IPO7: variants seen among roughly 807,000 people sequenced by gnomAD.
IPO7 encodes the protein importin 7.
Under a neutral mutation model 136.4 loss-of-function variants are expected in IPO7, and 13 were observed. That is an observed-to-expected ratio of 0.10 (90% CI 0.06 to 0.15). The LOEUF is 0.15. Among genes scored for constraint, IPO7 ranks in the 10% least tolerant of loss-of-function variants. The pLI, the probability that IPO7 is intolerant of heterozygous loss-of-function variation, is 1.00. For synonymous variants in IPO7, 403 were observed against 404.4 expected (o/e 1.00, Z 0.04); for missense variants, 857 against 1,240.6 (o/e 0.69, Z 4.65).
intron 1 of IPO7, among the ~76,000 whole-genome samples, chr11:9,399,517 G>A (rs1273189232): frequency 1.3e-5 from 2 of 152,104 alleles, no homozygotes; most frequent in African/African-American, 4.8e-5. Context: ...TATTAAATTG[G>A]GTTGATGAAG....
chr11:9,409,481 C>T (rs1423296961), intron 3 of IPO7, among the ~76,000 whole-genome samples: 2 of 151,656 alleles, frequency 1.3e-5, no homozygotes, highest in African/African-American at 4.8e-5. Flanking sequence ...ACTTGTGGGC[C>T]GGGCACAGTG....
chr11:9,434,820 A>C (rs1590451216), intron 18 of IPO7, 114 bp from the exon 19 acceptor site: 1 of 697,706 alleles, frequency 1.4e-6, no homozygotes, highest in East Asian at 2.9e-5. Context: ...AAAAAGGTGA[A>C]TGTTAGAGAC....
chr11:9,428,624 G>A lies in IPO7; in HGVS notation c.1420G>A (p.Ala474Thr). ...LFSSELGYMR[A>T]RACWVLHYFC... ...CAGCAGTGAACTAGGCTACATGAGA[G>A]CAAGGGTATGTTTTAAAGCTGCATT... The change falls in exon 13 of 25, where the codon GCA becomes ACA. Residue 474 changes from alanine to threonine, a missense_variant. Around this residue, in one of 11 missense-constraint regions of IPO7, gnomAD observed 127 missense variants for 222.4 expected, o/e 0.57. Transcript: ENST00000379719. 7.2e-6 allele frequency: 11 copies of A among 1,529,562 alleles called. No homozygotes were observed. The highest frequency in any genetic ancestry group is 8.1e-6 in the Non-Finnish European group (9 of 1,106,248). The allele number at this position is 1,529,562 out of a possible 1,614,324, so 94.7% of individuals were successfully genotyped here.
intron 24 of IPO7, among the ~76,000 whole-genome samples, chr11:9,444,167 A>G (rs1036297077): frequency 7.3e-5 from 11 of 151,652 alleles, no homozygotes; most frequent in African/African-American, 2.4e-4. Context: ...AGTCCCAGCT[A>G]CTTGGGAAGC....
chr11:9,396,668 C>T (rs992976985), intron 1 of IPO7, among the ~76,000 whole-genome samples: 30 of 152,176 alleles, frequency 2.0e-4, no homozygotes, highest in African/African-American at 6.8e-4. Flanking sequence ...TAATTGGAAT[C>T]ATACAATATG....
intron 24 of IPO7, among the ~76,000 whole-genome samples, chr11:9,443,767 G>C (rs1028614276): frequency 6.6e-6 from 1 of 150,764 alleles, no homozygotes; most frequent in Non-Finnish European, 1.5e-5. Flanking sequence ...AGGCATGGTG[G>C]TGCATGCCTG....
rs1363398720 is a variant in IPO7, at chr11:9,447,409, G to T, written c.*2215G>T. ...CTTATAATTAAACTATTTAAATAGT[G>T]TTCAAATGATAGTTTCTAATGCATC... On this transcript the variant is annotated 3_prime_UTR_variant, in exon 25 of 25. Transcript: ENST00000379719. The T allele has an allele frequency of 1.3e-5, 2 of 152,122 alleles. No individual in the cohort carries two copies. The highest frequency in any genetic ancestry group is 2.4e-5 in the African/African-American group (1 of 41,430). 9.4% of individuals were successfully genotyped at this position (152,122 alleles called of 1,614,324 possible).
In IPO7 at chr11:9,446,691, AAATT is replaced by A. The variant is rs1855534288; in HGVS notation, c.*1498_*1501del. On this transcript the variant is annotated 3_prime_UTR_variant, in exon 25 of 25. Coordinates refer to ENST00000379719, the MANE Select transcript of IPO7 (RefSeq NM_006391.3). ...CTGTTGTCTAAAACAGGTGAGAAAAAAATTTATAACTGTAAAAACAAATGCACAT... is the reference window on the plus strand; with the variant it reads ...CTGTTGTCTAAAACAGGTGAGAAAAATATAACTGTAAAAACAAATGCACAT... 6.6e-6 allele frequency: 1 copy of A among 152,198 alleles called. No individual in the cohort carries two copies. The highest frequency in any genetic ancestry group is 2.4e-5 in the African/African-American group (1 of 41,460). 9.4% of individuals were successfully genotyped at this position (152,198 alleles called of 1,614,324 possible).
Position 9,438,062 on chromosome 11 carries a change from TTTTTTTTTTTTTTTTA to T in IPO7, c.2490-17_2490-2del. 1 of 1,217,584 alleles carries T rather than the reference TTTTTTTTTTTTTTTTA, an allele frequency of 8.2e-7. No individual in the cohort carries two copies. Among genetic ancestry groups the T allele is most frequent in the Non-Finnish European group, 1.1e-6 (1 of 915,790 alleles). The allele number at this position is 1,217,584 out of a possible 1,614,324, so 75.4% of individuals were successfully genotyped here. A position where few individuals can be genotyped will look rare whatever the true frequency, so the allele number is the denominator to read the frequency against. ...AGAAAACAGTTTTTTTTTTTTTTTT[TTTTTTTTTTTTTTTTA>T]GGCTTCATGACAGAAAGATGTGTGT... On this transcript the variant is annotated splice_acceptor_variant and splice_polypyrimidine_tract_variant and intron_variant, in intron 21 of 24. Transcript: ENST00000379719. LOFTEE classifies it high-confidence loss of function.
rs144853940 is a variant in IPO7 at position 9,403,344 on chromosome 11, C to G, written c.139C>G (p.Gln47Glu). The part of the protein sequence containing the change: ...STLLQITMSE[Q>E]LDLPVRQAGV... Reference sequence around the variant, plus strand: ...ACTGCTCCAGATTACTATGTCGGAACAGCTGGATTTACCTGTGAGACAGGC... The same window carrying G: ...ACTGCTCCAGATTACTATGTCGGAAGAGCTGGATTTACCTGTGAGACAGGC... Residue 47 changes from glutamine to glutamate, a missense_variant, in exon 2 of 25, where the codon CAG (glutamine) becomes GAG (glutamate). By Grantham distance (29) the Gln-to-Glu change is conservative. This residue lies in a region of IPO7 where 49 missense variants were observed against 59.9 expected (regional missense o/e 0.82). Transcript: ENST00000379719. The G allele has an allele frequency of 1.1e-5, 18 of 1,613,356 alleles. No homozygotes were observed. The highest frequency in any genetic ancestry group is 1.5e-5 in the Non-Finnish European group (18 of 1,179,476).
At chr11:9,434,214 C>G (rs9667749) in intron 18 of IPO7, among the ~76,000 whole-genome samples, 4 of 152,100 alleles carry the variant, frequency 2.6e-5, no homozygotes, top group Admixed American at 2.6e-4. Flanking sequence ...TGAGCCACTG[C>G]GCCTGGCCTG....
chr11:9,408,422 CT>C lies in IPO7; in HGVS notation c.167-62del, dbSNP rs2133736380. ...GAAAGAAATACTTGAGGTATGGACACTTGTGGGATTTTCACAGTACTTTCAC... is the reference window on the plus strand; with the variant it reads ...GAAAGAAATACTTGAGGTATGGACACTGTGGGATTTTCACAGTACTTTCAC... On this transcript the variant is annotated intron_variant, in intron 2 of 24. Coordinates refer to ENST00000379719, the MANE Select transcript of IPO7 (RefSeq NM_006391.3). 2.0e-5 allele frequency: 22 copies of C among 1,087,780 alleles called. No homozygotes were observed. The South Asian group carries it at 5.0e-4, about 25-fold the overall frequency. 67.4% of individuals were successfully genotyped at this position (1,087,780 alleles called of 1,614,324 possible).
chr11:9,418,021 A>G (rs1382885990), intron 6 of IPO7, among the ~76,000 whole-genome samples: 2 of 150,996 alleles, frequency 1.3e-5, no homozygotes, highest in Non-Finnish European at 3.0e-5. Flanking sequence ...CCTATAGTCT[A>G]GTTTTCTAGA....
chr11:9,397,361 T>TATATATATATATATA (rs377148636), intron 1 of IPO7, among the ~76,000 whole-genome samples: 2 of 42,278 alleles, frequency 4.7e-5, no homozygotes, highest in Non-Finnish European at 8.0e-5. Flanking sequence ...TATATATATA[T>TATATATATATATATA]ATATTAGTCG....
Position 9,432,200 on chromosome 11 carries a change from AC to A in IPO7, c.1881+1198del, listed in dbSNP as rs1045458087. Reference sequence around the variant, plus strand: ...TTTGCAGCATGAGGTTTTTCACTAAACTTTTTTTTTTTTTTTTTTGAGACAG... The same window carrying A: ...TTTGCAGCATGAGGTTTTTCACTAAATTTTTTTTTTTTTTTTTTGAGACAG... On this transcript the variant is annotated intron_variant, in intron 16 of 24. Coordinates refer to ENST00000379719, the MANE Select transcript of IPO7 (RefSeq NM_006391.3). 1.0e-3 allele frequency among the ~76,000 whole-genome samples: 150 copies of A among 144,684 alleles called. 1 individual carries two copies. The South Asian group carries it at 0.029, about 28-fold the overall frequency. 94.9% of individuals were successfully genotyped at this position (144,684 alleles called of 152,430 possible). A position where few individuals can be genotyped will look rare whatever the true frequency, so the allele number is the denominator to read the frequency against.
intron 1 of IPO7, among the ~76,000 whole-genome samples, chr11:9,399,116 G>A (rs1280252367): frequency 6.6e-6 from 1 of 151,640 alleles, no homozygotes; most frequent in Non-Finnish European, 1.5e-5. Flanking sequence ...TAAGAGGGAT[G>A]ATAGTCACTT....
Position 9,410,083 on chromosome 11 carries a change from A to G in IPO7, c.476A>G (p.Tyr159Cys). 6.3e-7 allele frequency: 1 copy of G among 1,579,856 alleles called. No homozygotes were observed. The highest frequency in any genetic ancestry group is 2.3e-5 in the East Asian group (1 of 43,398). Residue 159 changes from tyrosine to cysteine, a missense_variant, in exon 4 of 25, where the codon TAT becomes TGT. Physicochemically the swap from Tyr to Cys is radical, Grantham distance 194. Coordinates refer to ENST00000379719, the MANE Select transcript of IPO7 (RefSeq NM_006391.3). ...TGCCTTTATCAGCTTGTGAAAAATTATGAGTAAGTGTTTCTTTCAACTCCT... is the reference window on the plus strand; with the variant it reads ...TGCCTTTATCAGCTTGTGAAAAATTGTGAGTAAGTGTTTCTTTCAACTCCT... ...LLCLYQLVKNYEYKKPEERSP... is the reference protein window; with the variant it reads ...LLCLYQLVKNCEYKKPEERSP...
intron 1 of IPO7, among the ~76,000 whole-genome samples, chr11:9,389,312 G>A (rs1854595447): frequency 6.6e-6 from 1 of 152,276 alleles, no homozygotes; most frequent in East Asian, 1.9e-4. Flanking sequence ...GCCTCCCAAA[G>A]TGCTGAGATT....
chr11:9,389,917 C>A (rs1246704813), intron 1 of IPO7, among the ~76,000 whole-genome samples: 1 of 152,040 alleles, frequency 6.6e-6, no homozygotes. Context: ...CCACCACACA[C>A]GGCTAATTTT....
Sources: allele counts gnomAD v4.1 joint callset (sites outside exome capture counted in the v4.1 genomes callset), GRCh38; gene constraint gnomAD v4.1.1; regional missense constraint gnomAD v4.1.1; transcripts MANE v1.5; gene names NCBI Gene and HGNC (gene_info 2026-07-23, HGNC 2026-07-21).